Variants in MAPK4 observed in about 807,000 individuals in gnomAD.
MAPK4 encodes mitogen-activated protein kinase 4.
A neutral mutation model predicts 47.7 loss-of-function variants in MAPK4; 22 were observed. The ratio of observed to expected loss-of-function variants is 0.46; its 90% CI spans 0.33 to 0.66. The LOEUF is 0.66. Among genes scored for constraint, MAPK4 ranks in the 30% least tolerant of loss-of-function variants. MAPK4 has a pLI of 0.02. For missense variants in MAPK4, 736 were observed against 831.7 expected, an observed-to-expected ratio of 0.88 and a Z score of 1.42; for synonymous variants, 390 against 365.7, an observed-to-expected ratio of 1.07 and a Z score of -0.76.
intron 1 of MAPK4, among the ~76,000 whole-genome samples, chr18:50,660,852 G>A (rs2043163460): frequency 6.6e-6 from 1 of 152,176 alleles, no homozygotes; most frequent in African/African-American, 2.4e-5. Flanking sequence ...CTGGAATTGA[G>A]GCTTGCCACG....
chr18:50,566,884 G>A (rs1034120415), intron 1 of MAPK4, among the ~76,000 whole-genome samples: 10 of 152,088 alleles, frequency 6.6e-5, no homozygotes, highest in African/African-American at 1.9e-4. Flanking sequence ...AATCCCATTC[G>A]TATTTTGCTG....
intron 1 of MAPK4, among the ~76,000 whole-genome samples, chr18:50,594,425 CA>C (rs1251219363): frequency 6.6e-6 from 1 of 152,042 alleles, no homozygotes; most frequent in Non-Finnish European, 1.5e-5. Flanking sequence ...ATCAATGAAA[CA>C]GAAAAGAGGG....
chr18:50,729,234 C>T lies in MAPK4; in HGVS notation c.1144C>T (p.Pro382Ser), dbSNP rs1911380533. Residue 382 changes from proline to serine, a missense_variant, in exon 6 of 6, where the codon CCG becomes TCG. Physicochemically the swap from Pro to Ser is moderately conservative, Grantham distance 74 (BLOSUM62 -1). Transcript: ENST00000400384. ...CQDASEVQRD[P>S]RAGSAPLAED... Reference sequence around the variant, plus strand: ...GGACGCCAGCGAGGTACAGCGCGACCCGCGCGCGGGTTCGGCGCCACTGGC... The same window carrying T: ...GGACGCCAGCGAGGTACAGCGCGACTCGCGCGCGGGTTCGGCGCCACTGGC... 4.4e-6 allele frequency: 7 copies of T among 1,608,020 alleles called. No individual in the cohort carries two copies. The highest frequency in any genetic ancestry group is 1.1e-5 in the South Asian group (1 of 90,908).
intron 1 of MAPK4, among the ~76,000 whole-genome samples, chr18:50,617,005 G>A (rs554789209): frequency 7.9e-5 from 12 of 152,294 alleles, no homozygotes; most frequent in African/African-American, 2.9e-4. Context: ...AGGACATGTT[G>A]AATAAATGGC....
chr18:50,631,951 TG>T (rs1371062839), intron 1 of MAPK4, among the ~76,000 whole-genome samples: 4 of 152,324 alleles, frequency 2.6e-5, no homozygotes, highest in East Asian at 3.9e-4. Context: ...CAGAGATGTT[TG>T]TAAAAGCACA....
intron 1 of MAPK4, among the ~76,000 whole-genome samples, chr18:50,585,085 C>T (rs1293001232): frequency 1.3e-5 from 2 of 152,122 alleles, no homozygotes; most frequent in African/African-American, 2.4e-5. Context: ...AAGTTTCTGC[C>T]TGGTGTTTTT....
chr18:50,627,519 C>T (rs2042789420), intron 1 of MAPK4, among the ~76,000 whole-genome samples: 1 of 152,236 alleles, frequency 6.6e-6, no homozygotes, highest in Non-Finnish European at 1.5e-5. Flanking sequence ...TGAGATCCTT[C>T]TGACTTGAAA....
chr18:50,563,615 G>A (rs1226581908), intron 1 of MAPK4, among the ~76,000 whole-genome samples: 2 of 152,156 alleles, frequency 1.3e-5, no homozygotes, highest in Non-Finnish European at 2.9e-5. Flanking sequence ...GAACTTGACT[G>A]TAATCTTCTT....
intron 3 of MAPK4, among the ~76,000 whole-genome samples, chr18:50,720,238 A>G (rs995060704): frequency 2.0e-5 from 3 of 152,164 alleles, no homozygotes; most frequent in African/African-American, 4.8e-5. Context: ...GAATTATTCC[A>G]TCAGCTTCTC....
chr18:50,714,224 GAAAGACTGT>G (rs1568093676), intron 2 of MAPK4, among the ~76,000 whole-genome samples: 1 of 152,104 alleles, frequency 6.6e-6, no homozygotes, highest in Admixed American at 6.5e-5. Flanking sequence ...TCTTACATTA[GAAAGACTGT>G]TCTAGGGAAT....
intron 1 of MAPK4, among the ~76,000 whole-genome samples, chr18:50,620,896 G>C (rs987749442): frequency 1.3e-5 from 2 of 152,074 alleles, no homozygotes; most frequent in Non-Finnish European, 2.9e-5. Flanking sequence ...CTTGTATTTA[G>C]ATAACTATCA....
At chr18:50,611,137 C>T (rs748318698) in intron 1 of MAPK4, among the ~76,000 whole-genome samples, 4 of 152,170 alleles carry the variant, frequency 2.6e-5, no homozygotes, top group African/African-American at 4.8e-5. Flanking sequence ...TTCTCGCTTA[C>T]GTGACAAAAT....
At chr18:50,655,761 C>A (rs778259316) in intron 1 of MAPK4, among the ~76,000 whole-genome samples, 5 of 152,148 alleles carry the variant, frequency 3.3e-5, no homozygotes, top group Non-Finnish European at 7.3e-5. Context: ...GTGTGGCCTC[C>A]TCCCTTGAAC....
At chr18:50,712,694 C>G (rs1226429546) in intron 2 of MAPK4, among the ~76,000 whole-genome samples, 1 of 149,668 alleles carries the variant, frequency 6.7e-6, no homozygotes, top group African/African-American at 2.4e-5. Flanking sequence ...CCCCTGTCCC[C>G]ACTGTTCTTT....
At chr18:50,610,020 A>G (rs374824347) in intron 1 of MAPK4, among the ~76,000 whole-genome samples, 3 of 146,970 alleles carry the variant, frequency 2.0e-5, no homozygotes, top group Non-Finnish European at 4.6e-5. Context: ...TTGCAGAAAA[A>G]GAAAATGGAA....
At chr18:50,621,318 G>C (rs1196735616) in intron 1 of MAPK4, among the ~76,000 whole-genome samples, 1 of 152,104 alleles carries the variant, frequency 6.6e-6, no homozygotes, top group Admixed American at 6.6e-5. Context: ...ACAACTAAAG[G>C]ACAAAAATAA....
chr18:50,621,356 C>A (rs117661738), intron 1 of MAPK4, among the ~76,000 whole-genome samples: 1 of 152,098 alleles, frequency 6.6e-6, no homozygotes, highest in Non-Finnish European at 1.5e-5. Context: ...AAAAATGTGC[C>A]CTAAAGATAC....
chr18:50,564,996 T>A (rs2042186529), intron 1 of MAPK4, among the ~76,000 whole-genome samples: 1 of 152,218 alleles, frequency 6.6e-6, no homozygotes, highest in Non-Finnish European at 1.5e-5. Context: ...AGTGATGGGC[T>A]CTGAATTTAA....
chr18:50,654,017 G>A (rs2144218561), intron 1 of MAPK4, among the ~76,000 whole-genome samples: 1 of 152,346 alleles, frequency 6.6e-6, no homozygotes, highest in South Asian at 2.1e-4. Flanking sequence ...GGCTCATCAG[G>A]AGAGAGTCAT....
Sources: allele counts gnomAD v4.1 joint callset (sites outside exome capture counted in the v4.1 genomes callset), GRCh38; gene constraint gnomAD v4.1.1; transcripts MANE v1.5; gene names NCBI Gene and HGNC (gene_info 2026-07-23, HGNC 2026-07-21).